The following FSTL4 variants were observed in gnomAD, a reference collection of about 807,000 sequenced individuals.
FSTL4 encodes follistatin like 4, also known as follistatin-related protein 4.
A neutral mutation model predicts 78.2 loss-of-function variants in FSTL4; 28 were observed. The ratio of observed to expected loss-of-function variants is 0.36; its 90% CI spans 0.27 to 0.49. The LOEUF (loss-of-function observed/expected upper bound fraction) is 0.49, where lower values mean the gene tolerates loss of function less well. FSTL4 is among the 20% of genes least tolerant of loss of function. FSTL4 has a pLI of 0.98. For missense variants in FSTL4, 922 were observed against 1,084.9 expected, an observed-to-expected ratio of 0.85 and a Z score of 2.11; for synonymous variants, 422 against 440.5, an observed-to-expected ratio of 0.96 and a Z score of 0.53.
chr5:133,205,908 T>C (rs559838685), intron 14 of FSTL4, among the ~76,000 whole-genome samples: 50 of 152,180 alleles, frequency 3.3e-4, no homozygotes, highest in African/African-American at 1.1e-3. Context: ...AGGAAATGAG[T>C]CGGAGTCAGA....
chr5:133,405,631 G>C (rs949877363), intron 3 of FSTL4, among the ~76,000 whole-genome samples: 1 of 152,202 alleles, frequency 6.6e-6, no homozygotes, highest in Non-Finnish European at 1.5e-5. Context: ...CGCATCCAGG[G>C]ATTGGACATA....
chr5:133,747,492 G>T, the FSTL4 span, among the ~76,000 whole-genome samples: 1 of 151,928 alleles, frequency 6.6e-6, no homozygotes, highest in African/African-American at 2.4e-5. Flanking sequence ...CAGAGACCTC[G>T]GGTTCTCCCA....
chr5:133,248,751 T>C (rs918507096), intron 7 of FSTL4: 2 of 152,430 alleles, frequency 1.3e-5, no homozygotes, highest in Admixed American at 1.3e-4. Context: ...CTAGGCTGCA[T>C]GAGCTCAGTT....
chr5:133,447,647 C>T lies in FSTL4; in HGVS notation c.161-46661G>A, dbSNP rs181802177. ...CTCCGTCTCCTGGGTTCAAGTGATT[C>T]TCCTGCCTCAGCCTCCCAAGTAGCT... On this transcript the variant is annotated intron_variant, in intron 3 of 15. Coordinates refer to ENST00000265342, the MANE Select transcript of FSTL4 (RefSeq NM_015082.2). Among the ~76,000 whole-genome samples, 140 of 152,308 alleles carry T rather than the reference C, an allele frequency of 9.2e-4. 1 individual carries two copies. The highest frequency in any genetic ancestry group is 1.7e-3 in the Non-Finnish European group (118 of 68,024).
At chr5:133,318,925 G>A (rs1274057914) in intron 4 of FSTL4, among the ~76,000 whole-genome samples, 2 of 152,204 alleles carry the variant, frequency 1.3e-5, no homozygotes, top group African/African-American at 2.4e-5. Flanking sequence ...CCTAAGCATG[G>A]AGAGCGCCCT....
In FSTL4 at chr5:133,517,447, A is replaced by AAAAAAAAAAACATATATATATAT. The variant is rs1554068019; in HGVS notation, c.160+49738_160+49739insATATATATATATGTTTTTTTTTT. Among the ~76,000 whole-genome samples, 2 of 16,416 alleles carry AAAAAAAAAAACATATATATATAT rather than the reference A, an allele frequency of 1.2e-4. 1 individual carries two copies. The highest frequency in any genetic ancestry group is 5.6e-4 in the African/African-American group (2 of 3,570). 10.8% of individuals were successfully genotyped at this position (16,416 alleles called of 152,430 possible). On this transcript the variant is annotated intron_variant, in intron 3 of 15. Coordinates refer to ENST00000265342, the MANE Select transcript of FSTL4 (RefSeq NM_015082.2). ...CAAAAAAAAAAAAAAAAAAAAAAAA[A>AAAAAAAAAAACATATATATATAT]ATATATATATATATATGCACACACA... is the stretch of plus-strand genomic sequence containing the variant.
In FSTL4 at chr5:133,253,417, G is replaced by T. The variant is rs145693716; in HGVS notation, c.728-3841C>A. Among the ~76,000 whole-genome samples the T allele has an allele frequency of 5.6e-3, 849 of 152,352 alleles. 8 individuals carry two copies. The highest frequency in any genetic ancestry group is 5.4e-3 in the Non-Finnish European group (365 of 68,038). ...CTCAGTTTAGACATGGATACAATGA[G>T]GGCTTGGGCCCCCCTCGCTTTTGAC... On this transcript the variant is annotated intron_variant, in intron 6 of 15. Coordinates refer to ENST00000265342, the MANE Select transcript of FSTL4 (RefSeq NM_015082.2).
chr5:133,665,917 C>G, the FSTL4 span, among the ~76,000 whole-genome samples: 2 of 152,194 alleles, frequency 1.3e-5, no homozygotes, highest in Non-Finnish European at 2.9e-5. Context: ...AGCCTGCAAG[C>G]TGGGCCACTG....
At chr5:133,206,138 C>T (rs1056158143) in intron 14 of FSTL4, among the ~76,000 whole-genome samples, 1 of 152,086 alleles carries the variant, frequency 6.6e-6, no homozygotes, top group Non-Finnish European at 1.5e-5. Context: ...ACCCTATAGT[C>T]TTGGGATAGT....
chr5:133,658,835 A>G, the FSTL4 span, among the ~76,000 whole-genome samples: 2 of 152,108 alleles, frequency 1.3e-5, no homozygotes, highest in African/African-American at 4.8e-5. Flanking sequence ...CAAATGGTGA[A>G]TTTTCATTCA....
chr5:133,652,922 G>T, the FSTL4 span, among the ~76,000 whole-genome samples: 1 of 152,094 alleles, frequency 6.6e-6, no homozygotes, highest in Admixed American at 6.5e-5. Context: ...TCCATCTCTT[G>T]GGGGTTTAAT....
At chr5:133,692,341 G>T in the FSTL4 span, among the ~76,000 whole-genome samples, 4 of 152,072 alleles carry the variant, frequency 2.6e-5, no homozygotes, top group African/African-American at 9.6e-5. Context: ...CCTTAGCGTG[G>T]GTTTCATCAT....
the FSTL4 span, among the ~76,000 whole-genome samples, chr5:133,771,877 C>A: frequency 0.013 from 1,981 of 152,258 alleles, 26 homozygotes; most frequent in African/African-American, 0.037. Context: ...CAATTTGTAA[C>A]TTAGCTGAAC....
At chr5:133,468,852 C>T (rs1377204820) in intron 3 of FSTL4, among the ~76,000 whole-genome samples, 1 of 152,118 alleles carries the variant, frequency 6.6e-6, no homozygotes, top group East Asian at 1.9e-4. Context: ...TGCAGAATGA[C>T]CTATACGTTA....
chr5:133,500,243 C>T (rs999895188), intron 3 of FSTL4, among the ~76,000 whole-genome samples: 1 of 152,160 alleles, frequency 6.6e-6, no homozygotes, highest in Non-Finnish European at 1.5e-5. Context: ...GGAAGAGAAA[C>T]TGAGCTTTCA....
chr5:133,780,814 G>A, the FSTL4 span, among the ~76,000 whole-genome samples: 6 of 152,126 alleles, frequency 3.9e-5, no homozygotes, highest in Admixed American at 1.3e-4. Flanking sequence ...AGAGTCACAC[G>A]GCTGGTAGGA....
At chr5:133,498,903 G>C (rs1280910141) in intron 3 of FSTL4, among the ~76,000 whole-genome samples, 1 of 152,024 alleles carries the variant, frequency 6.6e-6, no homozygotes, top group Non-Finnish European at 1.5e-5. Context: ...CTAGAGATGG[G>C]AGTAGGAACA....
the FSTL4 span, among the ~76,000 whole-genome samples, chr5:133,669,824 G>C: frequency 2.0e-5 from 3 of 152,292 alleles, no homozygotes; most frequent in African/African-American, 7.2e-5. Flanking sequence ...CCATGCCCTA[G>C]GCTAACCTCC....
intron 3 of FSTL4, among the ~76,000 whole-genome samples, chr5:133,407,643 G>T (rs561500893): frequency 3.3e-5 from 5 of 152,204 alleles, no homozygotes; most frequent in South Asian, 2.1e-4. Flanking sequence ...CCTTTCATCT[G>T]TCAGGAGGCC....
Sources: gnomAD v4.1 joint callset for allele counts (sites outside exome capture counted in the v4.1 genomes callset) on GRCh38, gnomAD v4.1.1 for gene constraint, MANE v1.5 for transcripts, NCBI Gene and HGNC (gene_info 2026-07-23, HGNC 2026-07-21) for gene names.